EIF2A: variants seen among roughly 807,000 people sequenced by gnomAD.
EIF2A encodes the protein eukaryotic translation initiation factor 2A, also known as 65 kDa eukaryotic translation initiation factor 2A.
In EIF2A, 62 loss-of-function variants were observed where a neutral mutation model predicts 75.2. That is an observed-to-expected ratio of 0.82 (90% CI 0.67 to 1.02). The LOEUF (loss-of-function observed/expected upper bound fraction) is 1.02, where lower values mean the gene tolerates loss of function less well. Among genes scored for constraint, EIF2A ranks in the 50% least tolerant of loss-of-function variants. The pLI, the probability that EIF2A is intolerant of heterozygous loss-of-function variation, is 0.00. For synonymous variants in EIF2A, 207 were observed against 239.0 expected, an observed-to-expected ratio of 0.87 and a Z score of 1.23; for missense variants, 611 against 677.7, an observed-to-expected ratio of 0.90 and a Z score of 1.09.
At chr3:150,553,637 C>G (rs1445229038) in intron 2 of EIF2A, among the ~76,000 whole-genome samples, 1 of 152,252 alleles carries the variant, frequency 6.6e-6, no homozygotes, top group East Asian at 1.9e-4. Flanking sequence ...TCTCAAACTC[C>G]TGACCTCAGG....
intron 9 of EIF2A, among the ~76,000 whole-genome samples, chr3:150,569,142 C>T: frequency 6.6e-6 from 1 of 151,962 alleles, no homozygotes; most frequent in East Asian, 1.9e-4. Context: ...TCTGAAATAC[C>T]TAGTCACTAT....
Position 150,552,358 on chromosome 3 carries a change from C to A in EIF2A, c.31C>A (p.Arg11=). The part of the protein sequence containing the change: MAPSTPLLTV[R]GSEGLYMVNG... Reference sequence around the variant, plus strand: ...TTCTTTTTATTTTACTTCTTTAGTCCGAGGATCAGAAGGACTGTACATGGT... The same window carrying A: ...TTCTTTTTATTTTACTTCTTTAGTCAGAGGATCAGAAGGACTGTACATGGT... The change falls in exon 2 of 14, where the codon CGA becomes AGA. Residue 11 remains arginine (R), a splice_region_variant and synonymous_variant. Coordinates refer to ENST00000460851, the MANE Select transcript of EIF2A (RefSeq NM_032025.5). 1.3e-6 allele frequency: 2 copies of A among 1,549,956 alleles called. No individual in the cohort carries two copies. Among genetic ancestry groups the A allele is most frequent in the East Asian group, 2.4e-5 (1 of 40,906 alleles).
chr3:150,573,934 G>A (rs1724696754), intron 10 of EIF2A, among the ~76,000 whole-genome samples: 1 of 152,108 alleles, frequency 6.6e-6, no homozygotes, highest in South Asian at 2.1e-4. Flanking sequence ...CGTTGGTCCG[G>A]TGTGGGGGTT....
intron 10 of EIF2A, among the ~76,000 whole-genome samples, chr3:150,572,961 T>C (rs1724629962): frequency 6.6e-6 from 1 of 152,204 alleles, no homozygotes; most frequent in African/African-American, 2.4e-5. Context: ...AGTATTGTTT[T>C]ATTTATGTAA....
chr3:150,554,689 A>C (rs1435546101), intron 2 of EIF2A, among the ~76,000 whole-genome samples: 1 of 152,184 alleles, frequency 6.6e-6, no homozygotes, highest in Non-Finnish European at 1.5e-5. Flanking sequence ...AAGATGCTGA[A>C]ACCTTTAGCT....
intron 3 of EIF2A, 24 bp downstream of exon 3, chr3:150,558,486 A>G (rs1329620805): frequency 5.5e-6 from 8 of 1,462,710 alleles, no homozygotes; most frequent in Non-Finnish European, 7.2e-6. Context: ...TACATAACAT[A>G]TTTTGTGTGT....
At chr3:150,547,013 G>A (rs762214956) in intron 1 of EIF2A, 183 bp downstream of exon 1, 7 of 695,708 alleles carry the variant, frequency 1.0e-5, no homozygotes, top group Non-Finnish European at 1.6e-5. Flanking sequence ...CTCCGCCTCT[G>A]GGCTTTCGTA....
chr3:150,579,629 C>T (rs1391366213), intron 11 of EIF2A, among the ~76,000 whole-genome samples: 3 of 151,276 alleles, frequency 2.0e-5, no homozygotes, highest in Admixed American at 6.6e-5. Context: ...GCAGGAAAAT[C>T]GCTTGAACCC....
Position 150,584,084 on chromosome 3 carries a change from G to T in EIF2A, c.*173G>T. On this transcript the variant is annotated 3_prime_UTR_variant, in exon 14 of 14. Coordinates refer to ENST00000460851, the MANE Select transcript of EIF2A (RefSeq NM_032025.5). Reference sequence around the variant, plus strand: ...ATTATTTAATAATGTCTATTAAATTGATATTTATATCTTGCATCCTATATC... The same window carrying T: ...ATTATTTAATAATGTCTATTAAATTTATATTTATATCTTGCATCCTATATC... The T allele has an allele frequency of 1.7e-6, 1 of 577,188 alleles. No individual in the cohort carries two copies. The highest frequency in any genetic ancestry group is 2.9e-6 in the Non-Finnish European group (1 of 340,458). 35.8% of individuals were successfully genotyped at this position (577,188 alleles called of 1,614,324 possible).
Position 150,558,396 on chromosome 3 carries a change from G to A in EIF2A, c.107G>A (p.Gly36Glu). Residue 36 changes from glycine (G) to glutamate (E), a missense_variant, in exon 3 of 14, where the codon GGG becomes GAG. Gly to Glu is a moderately conservative substitution (Grantham distance 98, BLOSUM62 -2). Transcript: ENST00000460851. The part of the protein sequence containing the change: ...TESTVFPRES[G>E]KNCKVCIFSK... ...TTTTTTGTCATTTTCAGGGAATCTG[G>A]GAAGAATTGCAAAGTCTGTATCTTT... 9.9e-6 allele frequency: 15 copies of A among 1,521,408 alleles called. No homozygotes were observed. The highest frequency in any genetic ancestry group is 1.3e-5 in the Non-Finnish European group (15 of 1,142,722). The allele number at this position is 1,521,408 out of a possible 1,614,324, so 94.2% of individuals were successfully genotyped here.
intron 12 of EIF2A, among the ~76,000 whole-genome samples, chr3:150,582,766 TA>T (rs1296773360): frequency 1.3e-5 from 2 of 152,086 alleles, no homozygotes; most frequent in African/African-American, 4.8e-5. Context: ...GCCCTGGGGA[TA>T]AAAAAAGGTC....
In EIF2A at chr3:150,563,475, G is replaced by A. The variant is rs1346543159; in HGVS notation, c.293-40G>A. ...TAAGAAAAATAATCCCTTTACAAAT[G>A]TTACAAGGCAATTACTGAAAAAAAG... On this transcript the variant is annotated intron_variant, in intron 4 of 13. Transcript: ENST00000460851. 3.4e-6 allele frequency: 5 copies of A among 1,450,390 alleles called. No homozygotes were observed. In the South Asian group the frequency reaches 3.9e-5, roughly 11 times the overall value. 89.8% of individuals were successfully genotyped at this position (1,450,390 alleles called of 1,614,324 possible).
Position 150,559,122 on chromosome 3 carries a change from T to C in EIF2A, c.173+660T>C, listed in dbSNP as rs538367290. Among the ~76,000 whole-genome samples the C allele has an allele frequency of 2.0e-5, 3 of 152,318 alleles. No individual in the cohort carries two copies. In the East Asian group the frequency reaches 5.8e-4, roughly 29 times the overall value. Reference sequence around the variant, plus strand: ...TATCTACATTGTTCTAAACCACATATAATACTGTTAGGTTTTTCAAAGGGG... The same window carrying C: ...TATCTACATTGTTCTAAACCACATACAATACTGTTAGGTTTTTCAAAGGGG... On this transcript the variant is annotated intron_variant, in intron 3 of 13. Transcript: ENST00000460851.
Position 150,546,830 on chromosome 3 carries a change from GGTGAGTTCT to G in EIF2A, c.28+2_28+10del, listed in dbSNP as rs756358484. 3.7e-5 allele frequency: 59 copies of G among 1,612,232 alleles called. 1 individual carries two copies. Among genetic ancestry groups the G allele is most frequent in the Non-Finnish European group, 4.7e-5 (55 of 1,179,906 alleles). On this transcript the variant is annotated splice_donor_variant and splice_donor_5th_base_variant and intron_variant, in intron 1 of 13. Transcript: ENST00000460851. LOFTEE classifies it high-confidence loss of function. ...GGCGCCGTCCACGCCGCTCTTGACA[GGTGAGTTCT>G]GAAGAAGCGAGGGACTCTCTTTCTT... is the stretch of plus-strand genomic sequence containing the variant.
At chr3:150,568,886 C>T (rs1398230719) in intron 9 of EIF2A, among the ~76,000 whole-genome samples, 1 of 152,200 alleles carries the variant, frequency 6.6e-6, no homozygotes, top group African/African-American at 2.4e-5. Flanking sequence ...CACTGTACTT[C>T]AGCCTGGGTG....
chr3:150,568,328 A>T, intron 9 of EIF2A, 36 bp downstream of exon 9: 1 of 1,504,354 alleles, frequency 6.6e-7, no homozygotes, highest in Non-Finnish European at 9.1e-7. Flanking sequence ...GATTAGAAAC[A>T]ATGATAGTAA....
rs1321861820 is a variant in EIF2A at position 150,562,659 on chromosome 3, TAGTA to T, written c.292+4_292+7del. 5.0e-6 allele frequency: 8 copies of T among 1,606,590 alleles called. No homozygotes were observed. The highest frequency in any genetic ancestry group is 6.0e-6 in the Non-Finnish European group (7 of 1,174,720). On this transcript the variant is annotated splice_donor_variant and splice_donor_region_variant and coding_sequence_variant and intron_variant, in exon 4 of 14. Coordinates refer to ENST00000460851, the MANE Select transcript of EIF2A (RefSeq NM_032025.5). LOFTEE classifies it high-confidence loss of function. ...TCCTGGCAACGTGGCAGCCTTACACTAGTAAGTATTTTCTCAGTGTAAAAATACT... is the reference window on the plus strand; with the variant it reads ...TCCTGGCAACGTGGCAGCCTTACACTAGTATTTTCTCAGTGTAAAAATACT...
chr3:150,547,189 A>G (rs1723080799), intron 1 of EIF2A: 1 of 284,596 alleles, frequency 3.5e-6, no homozygotes, highest in African/African-American at 2.1e-5. Flanking sequence ...TACAATAAGA[A>G]CAAAGACAAA....
At chr3:150,554,379 G>T (rs775559904) in intron 2 of EIF2A, among the ~76,000 whole-genome samples, 1 of 152,144 alleles carries the variant, frequency 6.6e-6, no homozygotes, top group Non-Finnish European at 1.5e-5. Context: ...ATGAGAAAAA[G>T]AATTTTATAG....
Sources: gnomAD v4.1 joint callset for allele counts (sites outside exome capture counted in the v4.1 genomes callset) on GRCh38, gnomAD v4.1.1 for gene constraint, MANE v1.5 for transcripts, NCBI Gene and HGNC (gene_info 2026-07-23, HGNC 2026-07-21) for gene names.